SORCS2: variants seen among roughly 807,000 people sequenced by gnomAD.
SORCS2 encodes the protein VPS10 domain-containing receptor SorCS2.
A neutral mutation model predicts 141.6 loss-of-function variants in SORCS2; 100 were observed. The ratio of observed to expected loss-of-function variants is 0.71; its 90% confidence interval spans 0.60 to 0.83. The LOEUF (loss-of-function observed/expected upper bound fraction) is 0.83, where lower values mean the gene tolerates loss of function less well. Among genes scored for constraint, SORCS2 ranks in the 40% least tolerant of loss-of-function variants. The pLI is 0.00. For synonymous variants in SORCS2, 789 were observed against 676.9 expected (o/e 1.17, Z -2.57); for missense variants, 1,646 against 1,560.2 (o/e 1.05, Z -0.93).
chr4:7,717,301 C>T (rs1408865985), intron 17 of SORCS2, among the ~76,000 whole-genome samples: 2 of 152,216 alleles, frequency 1.3e-5, no homozygotes, highest in Admixed American at 1.3e-4. Context: ...TGTCAGGGTC[C>T]AGGTCCCCAG....
Position 7,638,382 on chromosome 4 carries a change from G to T in SORCS2, c.703G>T (p.Ala235Ser), listed in dbSNP as rs527549780. 1.9e-6 allele frequency: 3 copies of T among 1,569,234 alleles called. No individual in the cohort carries two copies. Among genetic ancestry groups the T allele is most frequent in the East Asian group, 2.3e-5 (1 of 43,668 alleles). ...CCGGGACCAGAGCCTATTCCTCAGCGCAGACGAAGGCGCCACCTTTCAGAA... is the reference window on the plus strand; with the variant it reads ...CCGGGACCAGAGCCTATTCCTCAGCTCAGACGAAGGCGCCACCTTTCAGAA... ...SDRDQSLFLSADEGATFQKQP... is the reference protein window; with the variant it reads ...SDRDQSLFLSSDEGATFQKQP... The change falls in exon 4 of 27, where the codon GCA becomes TCA. Residue 235 changes from alanine to serine, a missense_variant. Transcript: ENST00000507866.
chr4:7,740,007 G>A (rs1026782949), intron 26 of SORCS2, among the ~76,000 whole-genome samples, 193 bp from the exon 27 acceptor site: 12 of 152,098 alleles, frequency 7.9e-5, no homozygotes, highest in Non-Finnish European at 1.5e-4. Context: ...TGATGGCACC[G>A]GGAGAGCCCA....
At chr4:7,375,983 G>A (rs1464636602) in intron 1 of SORCS2, among the ~76,000 whole-genome samples, 1 of 152,178 alleles carries the variant, frequency 6.6e-6, no homozygotes, top group Non-Finnish European at 1.5e-5. Context: ...TAAATGAGGT[G>A]AATGCTTATA....
chr4:7,595,310 ACC>A (rs1717191729), intron 3 of SORCS2, among the ~76,000 whole-genome samples: 1 of 152,058 alleles, frequency 6.6e-6, no homozygotes, highest in South Asian at 2.1e-4. Context: ...GTGTTCACCA[ACC>A]CAGAAGCTCT....
intron 2 of SORCS2, among the ~76,000 whole-genome samples, chr4:7,529,571 G>A (rs542848613): frequency 2.9e-4 from 44 of 152,286 alleles, no homozygotes; most frequent in African/African-American, 1.0e-3. Context: ...AGCTGGGAGT[G>A]AAGGGAAGAG....
chr4:7,194,071 C>G (rs551997156), intron 1 of SORCS2, among the ~76,000 whole-genome samples: 1 of 152,276 alleles, frequency 6.6e-6, no homozygotes, highest in South Asian at 2.1e-4. Flanking sequence ...GGGGCAGCCC[C>G]TGGTGGGGCT....
chr4:7,319,422 A>C (rs1718761556), intron 1 of SORCS2, among the ~76,000 whole-genome samples: 1 of 152,114 alleles, frequency 6.6e-6, no homozygotes, highest in African/African-American at 2.4e-5. Flanking sequence ...TAAAAGCATG[A>C]GGCTGGGCAT....
chr4:7,524,808 A>G (rs1030050198), intron 2 of SORCS2, among the ~76,000 whole-genome samples: 6 of 149,920 alleles, frequency 4.0e-5, no homozygotes, highest in African/African-American at 1.5e-4. Context: ...ACTGCTTGCC[A>G]GCCAGTTTCA....
At chr4:7,632,308 C>T (rs1339885362) in intron 3 of SORCS2, among the ~76,000 whole-genome samples, 3 of 152,126 alleles carry the variant, frequency 2.0e-5, no homozygotes. Context: ...CCTCCTGGGC[C>T]CCCAGAACCC....
chr4:7,623,711 C>A (rs952189457), intron 3 of SORCS2, among the ~76,000 whole-genome samples: 1 of 152,178 alleles, frequency 6.6e-6, no homozygotes, highest in Non-Finnish European at 1.5e-5. Context: ...CCCCACTCCC[C>A]CTCTTGTTCA....
chr4:7,429,114 G>A (rs1726651246), intron 2 of SORCS2, among the ~76,000 whole-genome samples: 1 of 152,154 alleles, frequency 6.6e-6, no homozygotes, highest in Non-Finnish European at 1.5e-5. Context: ...CTTTTGACTT[G>A]GTGCACTGCA....
intron 9 of SORCS2, among the ~76,000 whole-genome samples, chr4:7,676,689 C>T (rs115384646): frequency 0.029 from 4,363 of 150,658 alleles, 214 homozygotes; most frequent in African/African-American, 0.1. Flanking sequence ...CCTCCTTCCT[C>T]TCCCTCTGTG....
At chr4:7,448,299 C>T (rs757754596) in intron 2 of SORCS2, among the ~76,000 whole-genome samples, 3 of 152,044 alleles carry the variant, frequency 2.0e-5, no homozygotes, top group South Asian at 2.1e-4. Context: ...GTGGCCAAGG[C>T]GTGCTTAGGG....
chr4:7,562,222 A>G (rs1236355240), intron 3 of SORCS2, among the ~76,000 whole-genome samples: 1 of 152,178 alleles, frequency 6.6e-6, no homozygotes, highest in Admixed American at 6.5e-5. Context: ...TCTCTGAAGT[A>G]GTGTCACAAT....
intron 2 of SORCS2, among the ~76,000 whole-genome samples, chr4:7,517,939 T>C (rs1733090383): frequency 6.6e-6 from 1 of 152,234 alleles, no homozygotes; most frequent in African/African-American, 2.4e-5. Context: ...GACCTGTCAA[T>C]AATGCCACAC....
chr4:7,387,986 G>GCACACATGCA (rs201812014), intron 1 of SORCS2, among the ~76,000 whole-genome samples: 1 of 131,476 alleles, frequency 7.6e-6, no homozygotes, highest in African/African-American at 3.0e-5. Context: ...AGATACACAT[G>GCACACATGCA]CACACATGCA....
chr4:7,717,649 A>G (rs185174624), intron 17 of SORCS2, among the ~76,000 whole-genome samples: 5 of 152,260 alleles, frequency 3.3e-5, no homozygotes, highest in Admixed American at 2.0e-4. Context: ...TCTGTCCTCC[A>G]CCTTTCTCAG....
intron 1 of SORCS2, among the ~76,000 whole-genome samples, chr4:7,255,758 C>T (rs1326232260): frequency 6.6e-6 from 1 of 152,166 alleles, no homozygotes. Flanking sequence ...CTGCCACAGA[C>T]AGGCCAGGGC....
intron 2 of SORCS2, among the ~76,000 whole-genome samples, chr4:7,466,538 G>A (rs1317870160): frequency 1.3e-5 from 2 of 152,174 alleles, no homozygotes; most frequent in African/African-American, 4.8e-5. Context: ...ACACTCACCT[G>A]GCCTCACGTC....
Sources: gnomAD v4.1 joint callset for allele counts (sites outside exome capture counted in the v4.1 genomes callset) on GRCh38, gnomAD v4.1.1 for gene constraint, MANE v1.5 for transcripts, NCBI Gene and HGNC (gene_info 2026-07-23, HGNC 2026-07-21) for gene names.